The following PRRC2B variants were observed in gnomAD, a reference collection of about 807,000 sequenced individuals.
The protein encoded by PRRC2B is proline rich coiled-coil 2B.
Under a neutral mutation model 242.3 loss-of-function variants are expected in PRRC2B, and 68 were observed. That is an observed-to-expected ratio of 0.28 (90% CI 0.23 to 0.34). The LOEUF is 0.34. PRRC2B is among the 10% of genes least tolerant of loss of function. PRRC2B has a pLI of 1.00. For synonymous variants in PRRC2B, 1,228 were observed against 1,173.6 expected (o/e 1.05, Z -0.95); for missense variants, 2,835 against 2,954.8 (o/e 0.96, Z 0.94).
In PRRC2B at chr9:131,434,997, T is replaced by C. The variant is rs539564059; in HGVS notation, c.294-1623T>C. On this transcript the variant is annotated intron_variant, in intron 3 of 31. Transcript: ENST00000683519. ...CTTACAGAAAAATGGTGCAAAGATA[T>C]GTATTAAAAAAAATTCTTGGCCGGG... Among the ~76,000 whole-genome samples the C allele has an allele frequency of 7.2e-5, 11 of 152,040 alleles. No individual in the cohort carries two copies. In the East Asian group the frequency reaches 7.7e-4, roughly 11 times the overall value.
rs143263467 is a variant in PRRC2B, at chr9:131,464,333, T to A, written c.1405-430T>A. On this transcript the variant is annotated intron_variant, in intron 11 of 31. Coordinates refer to ENST00000683519, the MANE Select transcript of PRRC2B (RefSeq NM_013318.4). Reference sequence around the variant, plus strand: ...TTTCTACCCAGGGGTTTATGTATTGTTGTGCGGGCAGGAGTAGCAGTTTTC... The same window carrying A: ...TTTCTACCCAGGGGTTTATGTATTGATGTGCGGGCAGGAGTAGCAGTTTTC... Among the ~76,000 whole-genome samples, 354 of 152,270 alleles carry A rather than the reference T, an allele frequency of 2.3e-3. 4 individuals are homozygous for A. Among genetic ancestry groups the A allele is most frequent in the East Asian group, 0.02 (102 of 5,182 alleles).
intron 30 of PRRC2B, 145 bp downstream of exon 30, chr9:131,492,405 C>T: frequency 1.6e-6 from 1 of 621,058 alleles, no homozygotes; most frequent in Admixed American, 2.7e-5. Context: ...GGTGTTTCAG[C>T]ACTGGGATGC....
intron 12 of PRRC2B, among the ~76,000 whole-genome samples, 162 bp from the exon 13 acceptor site, chr9:131,467,401 T>A (rs1235277197): frequency 6.6e-6 from 1 of 152,172 alleles, no homozygotes; most frequent in Non-Finnish European, 1.5e-5. Flanking sequence ...GTCCCTGAGC[T>A]TGTGTACGTG....
intron 2 of PRRC2B, among the ~76,000 whole-genome samples, chr9:131,431,032 C>T (rs1290219380): frequency 6.6e-6 from 1 of 151,496 alleles, no homozygotes; most frequent in Non-Finnish European, 1.5e-5. Flanking sequence ...CTCAGTGCAA[C>T]CTTCACCTCC....
chr9:131,465,235 A>G (rs1943359381), intron 12 of PRRC2B, among the ~76,000 whole-genome samples, 157 bp downstream of exon 12: 1 of 152,128 alleles, frequency 6.6e-6, no homozygotes, highest in Admixed American at 6.6e-5. Context: ...GCCTGGGTCA[A>G]ATGCCTGGGT....
chr9:131,459,616 T>G (rs944076849), intron 11 of PRRC2B, among the ~76,000 whole-genome samples: 1 of 151,928 alleles, frequency 6.6e-6, no homozygotes. Flanking sequence ...AAGGTCTTGC[T>G]CTATCCTTCA....
intron 1 of PRRC2B, among the ~76,000 whole-genome samples, chr9:131,398,254 T>G (rs1021635069): frequency 7.9e-5 from 12 of 152,242 alleles, no homozygotes; most frequent in African/African-American, 2.7e-4. Flanking sequence ...TCTTTTGTGC[T>G]GGGAGGTAGG....
At chr9:131,427,412 G>A (rs1483200587) in intron 1 of PRRC2B, among the ~76,000 whole-genome samples, 1 of 151,890 alleles carries the variant, frequency 6.6e-6, no homozygotes, top group Non-Finnish European at 1.5e-5. Context: ...CTCACTGCAA[G>A]CTCTGCTTCC....
chr9:131,420,751 AGGATTACAGG>A (rs1170119862), intron 1 of PRRC2B, among the ~76,000 whole-genome samples: 1 of 151,548 alleles, frequency 6.6e-6, no homozygotes, highest in East Asian at 2.0e-4. Context: ...CCAAAGTGCT[AGGATTACAGG>A]TGTGAACCGC....
intron 1 of PRRC2B, among the ~76,000 whole-genome samples, chr9:131,385,982 G>A (rs1430999171): frequency 2.7e-5 from 4 of 150,410 alleles, no homozygotes; most frequent in Admixed American, 2.1e-4. Flanking sequence ...CGTGAACCAC[G>A]GCGCCCGGCC....
chr9:131,464,818 AG>A lies in PRRC2B; in HGVS notation c.1461del (p.Lys487AsnfsTer189). The A allele has an allele frequency of 6.2e-7, 1 of 1,613,050 alleles. No individual in the cohort carries two copies. On this transcript the variant is annotated frameshift_variant, in exon 12 of 32. Transcript: ENST00000683519. LOFTEE classifies it high-confidence loss of function. Reference sequence around the variant, plus strand: ...CAGTCCATCGAGGACAAGGAGGACAAGCCCCCACCAAGGCAGAAGTTCATTC... The same window carrying A: ...CAGTCCATCGAGGACAAGGAGGACAACCCCCACCAAGGCAGAAGTTCATTC... Reference protein sequence around the residue: ...RQQSIEDKEDKPPPRQKFIQS... With the variant: ...RQQSIEDKEDXPPPRQKFIQS...
At chr9:131,462,949 G>A (rs568705056) in intron 11 of PRRC2B, among the ~76,000 whole-genome samples, 80 of 149,458 alleles carry the variant, frequency 5.4e-4, no homozygotes, top group Middle Eastern at 6.9e-3. Context: ...AGGTCTTGAC[G>A]GTGTACATGT....
Position 131,476,507 on chromosome 9 carries a change from C to G in PRRC2B, c.4378C>G (p.Gln1460Glu). 2 of 1,601,512 alleles carry G rather than the reference C, an allele frequency of 1.2e-6. No homozygotes were observed. Among genetic ancestry groups the G allele is most frequent in the Non-Finnish European group, 1.7e-6 (2 of 1,173,962 alleles). ...CACCTCCCCTCGCTATGAGAGCCAACAGAATGGGACGCCTTTGAAAGTGAA... is the reference window on the plus strand; with the variant it reads ...CACCTCCCCTCGCTATGAGAGCCAAGAGAATGGGACGCCTTTGAAAGTGAA... ...GDTSPRYESQ[Q>E]NGTPLKVKRS... is the part of the protein sequence containing the mutation. The change falls in exon 16 of 32, where the codon CAG (glutamine) becomes GAG (glutamate). Residue 1460 changes from glutamine to glutamate, a missense_variant. Transcript: ENST00000683519.
chr9:131,435,443 C>T (rs1443856471), intron 3 of PRRC2B, among the ~76,000 whole-genome samples: 3 of 151,882 alleles, frequency 2.0e-5, no homozygotes, highest in Non-Finnish European at 2.9e-5. Context: ...GTTGAAACCC[C>T]GTCTCTGCTA....
At chr9:131,486,296 A>G (rs1369652389) in intron 26 of PRRC2B, 114 bp downstream of exon 26, 3 of 862,610 alleles carry the variant, frequency 3.5e-6, no homozygotes, top group Non-Finnish European at 3.6e-6. Context: ...CATCCCCCTC[A>G]CATGTGGTGA....
intron 1 of PRRC2B, among the ~76,000 whole-genome samples, chr9:131,428,489 C>G (rs577812069): frequency 3.9e-5 from 6 of 152,028 alleles, no homozygotes; most frequent in African/African-American, 1.4e-4. Context: ...TTCTGCCTCC[C>G]GGCTTCAAGC....
rs771734570 is a variant in PRRC2B, at chr9:131,487,895, C to T, written c.6024C>T (p.Ser2008=). The T allele has an allele frequency of 4.6e-5, 75 of 1,613,378 alleles. No individual in the cohort carries two copies. In the Admixed American group the frequency reaches 1.2e-3, roughly 26 times the overall value. The change falls in exon 28 of 32, where the codon AGC becomes AGT. Residue 2008 remains serine (S), a synonymous_variant. Transcript: ENST00000683519. This position sits in a 1 kb window ranked among gnomAD's most constrained non-coding sequence, Gnocchi z 5.3. The part of the protein sequence containing the change: ...VYMHPSLSPP[S]TMILSGGTAL... ...TGCACCCCAGCCTGTCACCGCCCAG[C>T]ACCATGATCCTCTCTGGGGGCACAG... is the stretch of plus-strand genomic sequence containing the variant.
Position 131,477,745 on chromosome 9 carries a change from T to C in PRRC2B, c.4408T>C (p.Ser1470Pro). 1 of 1,590,640 alleles carries C rather than the reference T, an allele frequency of 6.3e-7. No homozygotes were observed. The highest frequency in any genetic ancestry group is 8.6e-7 in the Non-Finnish European group (1 of 1,164,772). The change falls in exon 17 of 32, where the codon TCC becomes CCC. Residue 1470 changes from serine (S) to proline (P), a missense_variant and splice_region_variant. Transcript: ENST00000683519. ...QNGTPLKVKR[S>P]PDEALPGGLS... The stretch of plus-strand genomic sequence containing the variant: ...AACAAGATCCTCTTTCCCTTACAGA[T>C]CCCCAGACGAGGCCTTGCCTGGAGG...
At chr9:131,436,424 G>C (rs567202571) in intron 3 of PRRC2B, among the ~76,000 whole-genome samples, 196 bp from the exon 4 acceptor site, 12 of 152,336 alleles carry the variant, frequency 7.9e-5, no homozygotes, top group Middle Eastern at 3.4e-3. Context: ...AAATGTCAGT[G>C]ACTAGAACTT....
Sources: allele counts gnomAD v4.1 joint callset (sites outside exome capture counted in the v4.1 genomes callset), GRCh38; gene constraint gnomAD v4.1.1; non-coding constraint Gnocchi (gnomAD v3.1); transcripts MANE v1.5; gene names NCBI Gene and HGNC (gene_info 2026-07-23, HGNC 2026-07-21).